The following SIL1 variants were observed in gnomAD, a reference collection of about 807,000 sequenced individuals.
SIL1 encodes the protein nucleotide exchange factor SIL1.
A neutral mutation model predicts 49.1 loss-of-function variants in SIL1; 40 were observed. The ratio of observed to expected loss-of-function variants is 0.81; its 90% CI spans 0.63 to 1.06. The LOEUF is 1.06. Among genes scored for constraint, SIL1 ranks in the 50% least tolerant of loss-of-function variants. The pLI is 0.00. For missense variants in SIL1, 500 were observed against 572.6 expected (o/e 0.87, Z 1.29); for synonymous variants, 253 against 250.8 (o/e 1.01, Z -0.08).
chr5:139,100,742 G>C (rs1770569195), intron 3 of SIL1, among the ~76,000 whole-genome samples: 1 of 152,054 alleles, frequency 6.6e-6, no homozygotes, highest in South Asian at 2.1e-4. Flanking sequence ...AGAAAGAAAG[G>C]GGTCGAGAAT....
intron 5 of SIL1, among the ~76,000 whole-genome samples, chr5:139,034,009 T>C (rs1011026089): frequency 1.3e-5 from 2 of 152,208 alleles, no homozygotes; most frequent in African/African-American, 4.8e-5. Context: ...CAAATAAAAG[T>C]GGTACATACA....
chr5:139,055,614 C>CCG (rs1418365900), intron 3 of SIL1, among the ~76,000 whole-genome samples: 1 of 113,144 alleles, frequency 8.8e-6, no homozygotes, highest in African/African-American at 3.7e-5. Context: ...CTCCCTCTCC[C>CCG]TCTCCCCCTC....
chr5:139,123,419 A>G (rs2043271), intron 2 of SIL1, among the ~76,000 whole-genome samples: 41,332 of 152,000 alleles, frequency 0.27, 6,237 homozygotes, highest in Middle Eastern at 0.38. Flanking sequence ...AAGCTGCTGA[A>G]AAAACAGATG....
At chr5:139,038,284 C>A (rs1312253540) in intron 5 of SIL1, among the ~76,000 whole-genome samples, 1 of 152,184 alleles carries the variant, frequency 6.6e-6, no homozygotes, top group Non-Finnish European at 1.5e-5. Context: ...ATATCCTAGA[C>A]ATTTTGGGTA....
intron 3 of SIL1, among the ~76,000 whole-genome samples, chr5:139,102,246 T>A (rs557277212): frequency 2.0e-5 from 3 of 152,362 alleles, no homozygotes; most frequent in African/African-American, 7.2e-5. Flanking sequence ...TATACCTATA[T>A]GCTGGAGGCT....
chr5:139,079,069 G>A (rs1389460736), intron 3 of SIL1, among the ~76,000 whole-genome samples: 4 of 152,142 alleles, frequency 2.6e-5, no homozygotes, highest in African/African-American at 9.7e-5. Flanking sequence ...AATCACAAAT[G>A]GTTAGTGACT....
chr5:139,080,260 T>C (rs1265884981), intron 3 of SIL1, among the ~76,000 whole-genome samples: 1 of 152,230 alleles, frequency 6.6e-6, no homozygotes, highest in African/African-American at 2.4e-5. Context: ...TTTCACACAA[T>C]GCATACAGTG....
chr5:138,976,959 G>A (rs956851438), intron 7 of SIL1, among the ~76,000 whole-genome samples: 2 of 152,148 alleles, frequency 1.3e-5, no homozygotes, highest in Non-Finnish European at 2.9e-5. Context: ...CACATCCTGA[G>A]CTTCTCACAC....
At chr5:138,977,162 C>G (rs1767410956) in intron 7 of SIL1, among the ~76,000 whole-genome samples, 2 of 152,238 alleles carry the variant, frequency 1.3e-5, no homozygotes, top group African/African-American at 4.8e-5. Context: ...AATTGAAAAT[C>G]AGGCAGACAT....
At chr5:139,176,927 CTTTT>C (rs70982757) in intron 1 of SIL1, among the ~76,000 whole-genome samples, 4 of 95,810 alleles carry the variant, frequency 4.2e-5, no homozygotes, top group Admixed American at 4.0e-4. Context: ...AGCTGAGATT[CTTTT>C]TTTTTTTTTT....
Position 138,948,828 on chromosome 5 carries a change from C to T in SIL1, c.1030-1355G>A, listed in dbSNP as rs568290274. On this transcript the variant is annotated intron_variant, in intron 9 of 9. Coordinates refer to ENST00000394817, the MANE Select transcript of SIL1 (RefSeq NM_022464.5). This position sits in a 1 kb window ranked among gnomAD's most constrained non-coding sequence, Gnocchi z 4.8. ...GGTCAGGAGGGCAGCGGGTTCCTTA[C>T]GGGAGAGCGGTTGTTATTCTAGAGA... 1.3e-5 allele frequency among the ~76,000 whole-genome samples: 2 copies of T among 152,160 alleles called. No individual in the cohort carries two copies. Among genetic ancestry groups the T allele is most frequent in the African/African-American group, 2.4e-5 (1 of 41,434 alleles).
chr5:139,194,605 T>A (rs1752231487), intron 1 of SIL1, among the ~76,000 whole-genome samples: 1 of 152,116 alleles, frequency 6.6e-6, no homozygotes, highest in African/African-American at 2.4e-5. Context: ...ACAGGATGGG[T>A]CTCCAAATTG....
chr5:139,090,667 A>G (rs1770323706), intron 3 of SIL1, among the ~76,000 whole-genome samples: 2 of 152,148 alleles, frequency 1.3e-5, no homozygotes, highest in African/African-American at 2.4e-5. Context: ...GCTGGAGTGC[A>G]GTAGTATGAT....
chr5:139,096,105 T>C (rs1770456402), intron 3 of SIL1, among the ~76,000 whole-genome samples: 1 of 152,068 alleles, frequency 6.6e-6, no homozygotes, highest in South Asian at 2.1e-4. Flanking sequence ...GGCAGTATGG[T>C]ATGAAGAATG....
At position 138,967,276 on chromosome 5, in the gene SIL1, G is replaced by A. The variant is rs114065670; in HGVS notation, c.768-15392C>T. On this transcript the variant is annotated intron_variant, in intron 7 of 9. Transcript: ENST00000394817. Reference sequence around the variant, plus strand: ...TAGTTAGAAATGCAAATTCTCAAGCGTCACCCCAGACTCACGAAATCAGAA... The same window carrying A: ...TAGTTAGAAATGCAAATTCTCAAGCATCACCCCAGACTCACGAAATCAGAA... 4.4e-3 allele frequency among the ~76,000 whole-genome samples: 670 copies of A among 152,318 alleles called. 4 individuals are homozygous for A. The highest frequency in any genetic ancestry group is 0.016 in the African/African-American group (649 of 41,566).
intron 1 of SIL1, among the ~76,000 whole-genome samples, chr5:139,153,104 C>A (rs1226706363): frequency 2.6e-5 from 4 of 152,238 alleles, no homozygotes; most frequent in African/African-American, 9.6e-5. Context: ...AGGCGTGAGC[C>A]ACCGCACCTG....
chr5:139,105,586 T>C (rs1047872138), intron 3 of SIL1, among the ~76,000 whole-genome samples: 4 of 152,162 alleles, frequency 2.6e-5, no homozygotes, highest in African/African-American at 9.7e-5. Flanking sequence ...AGGAGTTATA[T>C]ACCCTTAGAA....
At chr5:139,078,483 T>C (rs1428259693) in intron 3 of SIL1, among the ~76,000 whole-genome samples, 1 of 152,174 alleles carries the variant, frequency 6.6e-6, no homozygotes, top group African/African-American at 2.4e-5. Context: ...TCTCAGCTGA[T>C]CCTTTAGGTT....
intron 7 of SIL1, among the ~76,000 whole-genome samples, chr5:138,980,974 GC>G (rs532922937): frequency 4.8e-4 from 73 of 152,234 alleles, no homozygotes; most frequent in Admixed American, 1.4e-3. Flanking sequence ...GGAGGCCGAG[GC>G]AGGCGGATCA....
Sources: allele counts gnomAD v4.1 joint callset (sites outside exome capture counted in the v4.1 genomes callset), GRCh38; gene constraint gnomAD v4.1.1; non-coding constraint Gnocchi (gnomAD v3.1); transcripts MANE v1.5; gene names NCBI Gene and HGNC (gene_info 2026-07-23, HGNC 2026-07-21).